The following PEX5L variants were observed in gnomAD, a reference collection of about 807,000 sequenced individuals.
PEX5L encodes the protein peroxisomal biogenesis factor 5 like.
In PEX5L, 30 loss-of-function variants were observed where a neutral mutation model predicts 84.0. That is an observed-to-expected ratio of 0.36 (90% CI 0.27 to 0.48). PEX5L has a LOEUF of 0.48. PEX5L is among the 20% of genes least tolerant of loss of function. The pLI is 0.99. For synonymous variants in PEX5L, 270 were observed against 283.1 expected, an observed-to-expected ratio of 0.95 and a Z score of 0.46; for missense variants, 533 against 754.6, an observed-to-expected ratio of 0.71 and a Z score of 3.44.
chr3:179,947,800 G>C (rs1284354440), intron 2 of PEX5L, among the ~76,000 whole-genome samples: 1 of 149,374 alleles, frequency 6.7e-6, no homozygotes, highest in Non-Finnish European at 1.5e-5. Context: ...TCTGCCTCCT[G>C]GGTTCATGCC....
At chr3:179,954,124 T>C (rs1475987117) in intron 2 of PEX5L, among the ~76,000 whole-genome samples, 1 of 150,566 alleles carries the variant, frequency 6.6e-6, no homozygotes, top group East Asian at 1.9e-4. Context: ...CAGAGATTTC[T>C]TTTTTTTTCT....
intron 14 of PEX5L, among the ~76,000 whole-genome samples, chr3:179,806,922 G>T (rs908901878): frequency 6.6e-6 from 1 of 152,126 alleles, no homozygotes; most frequent in Admixed American, 6.5e-5. Context: ...TACATCTTTT[G>T]TGGGGTTCAA....
chr3:179,979,077 A>G (rs1386094058), intron 1 of PEX5L, among the ~76,000 whole-genome samples: 1 of 152,166 alleles, frequency 6.6e-6, no homozygotes, highest in Non-Finnish European at 1.5e-5. Flanking sequence ...GAGGGGTTAC[A>G]TTTGCTTTAA....
intron 2 of PEX5L, among the ~76,000 whole-genome samples, chr3:179,935,590 G>GT (rs1774356213): frequency 6.6e-6 from 1 of 152,250 alleles, no homozygotes; most frequent in South Asian, 2.1e-4. Context: ...AGAAATACAT[G>GT]TTTTTTAGAG....
chr3:180,012,996 G>A (rs929256946), intron 1 of PEX5L, among the ~76,000 whole-genome samples: 5 of 152,148 alleles, frequency 3.3e-5, no homozygotes, highest in Admixed American at 2.0e-4. Context: ...TTATTCAGCA[G>A]TCTTCCATAA....
Position 180,020,524 on chromosome 3 carries a change from A to G in PEX5L, c.21+16055T>C, listed in dbSNP as rs1396032061. ...GAATAATAAAATTATTTTACTGGGA[A>G]AAGCTTCAGATTCTACCAGTCCTTT... On this transcript the variant is annotated intron_variant, in intron 1 of 14. Transcript: ENST00000467460. Among the ~76,000 whole-genome samples the G allele has an allele frequency of 3.9e-5, 6 of 152,108 alleles. No individual in the cohort carries two copies. The East Asian group carries it at 1.2e-3, about 29-fold the overall frequency.
At chr3:179,843,999 C>T (rs1038664355) in intron 8 of PEX5L, among the ~76,000 whole-genome samples, 1 of 152,186 alleles carries the variant, frequency 6.6e-6, no homozygotes, top group African/African-American at 2.4e-5. Context: ...GTGGTGTCAA[C>T]CAAAGTTGTA....
chr3:179,939,079 T>C (rs1775376959), intron 2 of PEX5L, among the ~76,000 whole-genome samples: 1 of 152,270 alleles, frequency 6.6e-6, no homozygotes, highest in Admixed American at 6.5e-5. Context: ...CACAAATTTA[T>C]GCCATTTGAA....
intron 7 of PEX5L, among the ~76,000 whole-genome samples, chr3:179,873,433 T>C (rs1457500456): frequency 6.6e-6 from 1 of 152,242 alleles, no homozygotes; most frequent in Non-Finnish European, 1.5e-5. Flanking sequence ...AACTAGATTG[T>C]AGAATGCATG....
chr3:180,010,092 C>T (rs530416454), intron 1 of PEX5L, among the ~76,000 whole-genome samples: 36 of 151,850 alleles, frequency 2.4e-4, no homozygotes, highest in African/African-American at 7.5e-4. Context: ...TACAGGCGCC[C>T]GCCACCACGT....
chr3:179,926,891 T>C (rs1013416251), intron 2 of PEX5L, among the ~76,000 whole-genome samples: 1 of 152,338 alleles, frequency 6.6e-6, no homozygotes, highest in South Asian at 2.1e-4. Flanking sequence ...AAACAATTTT[T>C]ATGATTTCTG....
At chr3:180,018,555 G>A (rs76175276) in intron 1 of PEX5L, among the ~76,000 whole-genome samples, 4,016 of 152,180 alleles carry the variant, frequency 0.026, 188 homozygotes, top group African/African-American at 0.093. Context: ...TAAAGATAGC[G>A]CCAATATTTA....
At chr3:179,986,691 C>T (rs554254361) in intron 1 of PEX5L, among the ~76,000 whole-genome samples, 54 of 152,206 alleles carry the variant, frequency 3.5e-4, no homozygotes, top group African/African-American at 1.3e-3. Context: ...CGTGAGCCAC[C>T]GCGCCCGGCC....
chr3:179,890,311 A>G (rs1234837535), intron 3 of PEX5L, among the ~76,000 whole-genome samples: 1 of 152,196 alleles, frequency 6.6e-6, no homozygotes, highest in Non-Finnish European at 1.5e-5. Flanking sequence ...ACCACCCTAT[A>G]CGCATAGAAA....
chr3:179,963,479 G>A (rs1164562692), intron 2 of PEX5L, among the ~76,000 whole-genome samples: 1 of 152,098 alleles, frequency 6.6e-6, no homozygotes, highest in Non-Finnish European at 1.5e-5. Flanking sequence ...ACTAGGTTAG[G>A]TTAATTTTCA....
intron 1 of PEX5L, among the ~76,000 whole-genome samples, chr3:180,005,852 T>C (rs1188014072): frequency 6.6e-6 from 1 of 152,236 alleles, no homozygotes; most frequent in Non-Finnish European, 1.5e-5. Context: ...CATGAGCCAT[T>C]GTGCTCAGCT....
Position 179,947,667 on chromosome 3 carries a change from A to G in PEX5L, c.93+23927T>C, listed in dbSNP as rs183741286. On this transcript the variant is annotated intron_variant, in intron 2 of 14. Transcript: ENST00000467460. ...TTTAACTTTGTAGTTGCCAAATTTT[A>G]AAAATAATAACCATATTTTAAATGT... 2.9e-3 allele frequency among the ~76,000 whole-genome samples: 448 copies of G among 152,122 alleles called. 2 individuals carry two copies. The highest frequency in any genetic ancestry group is 9.6e-3 in the African/African-American group (397 of 41,514).
intron 1 of PEX5L, among the ~76,000 whole-genome samples, chr3:179,981,088 C>T (rs1195580001): frequency 6.6e-6 from 1 of 151,760 alleles, no homozygotes; most frequent in Non-Finnish European, 1.5e-5. Context: ...CAAATCATAT[C>T]CATCACTTTA....
chr3:179,974,499 G>A (rs1340700651), intron 1 of PEX5L, among the ~76,000 whole-genome samples: 5 of 152,168 alleles, frequency 3.3e-5, no homozygotes, highest in African/African-American at 9.7e-5. Flanking sequence ...GTCCTAAGGC[G>A]GGAAAGGGGA....
Sources: gnomAD v4.1 joint callset for allele counts (sites outside exome capture counted in the v4.1 genomes callset) on GRCh38, gnomAD v4.1.1 for gene constraint, MANE v1.5 for transcripts, NCBI Gene and HGNC (gene_info 2026-07-23, HGNC 2026-07-21) for gene names.